Variants in EPHA6 observed in about 807,000 individuals in gnomAD.
The protein encoded by EPHA6 is EPH receptor A6.
In EPHA6, 50 loss-of-function variants were observed where a neutral mutation model predicts 112.0. That is an observed-to-expected ratio of 0.45 (90% CI 0.36 to 0.56). EPHA6 has a LOEUF of 0.56. EPHA6 is among the 20% of genes least tolerant of loss of function. The pLI is 0.00. For synonymous variants in EPHA6, 529 were observed against 490.7 expected (o/e 1.08, Z -1.03); for missense variants, 1,280 against 1,417.4 (o/e 0.90, Z 1.56).
intron 5 of EPHA6, among the ~76,000 whole-genome samples, chr3:97,383,716 A>G (rs1244448809): frequency 1.3e-5 from 2 of 152,126 alleles, no homozygotes; most frequent in Non-Finnish European, 2.9e-5. Context: ...AAGTTAAGGA[A>G]ATGTGCGCAG....
intron 2 of EPHA6, among the ~76,000 whole-genome samples, chr3:96,980,217 T>C (rs1013396843): frequency 6.6e-6 from 1 of 152,192 alleles, no homozygotes; most frequent in African/African-American, 2.4e-5. Flanking sequence ...CCATCTTGAA[T>C]TGATTTTTGT....
intron 7 of EPHA6, among the ~76,000 whole-genome samples, chr3:97,461,053 G>T (rs748623311): frequency 6.6e-6 from 1 of 152,094 alleles, no homozygotes; most frequent in Admixed American, 6.6e-5. Flanking sequence ...CAAGTAACAC[G>T]TGATCATTCG....
At chr3:97,167,724 C>G (rs2076576639) in intron 3 of EPHA6, among the ~76,000 whole-genome samples, 1 of 152,024 alleles carries the variant, frequency 6.6e-6, no homozygotes, top group Non-Finnish European at 1.5e-5. Context: ...GCATGAGGAA[C>G]AGCCTAATTT....
At chr3:97,125,931 G>A (rs1164329798) in intron 3 of EPHA6, among the ~76,000 whole-genome samples, 1 of 152,068 alleles carries the variant, frequency 6.6e-6, no homozygotes, top group Non-Finnish European at 1.5e-5. Flanking sequence ...TGTCTTTGTA[G>A]AAGACTGAGA....
chr3:97,654,178 T>C (rs978634103), intron 14 of EPHA6, among the ~76,000 whole-genome samples: 2 of 151,964 alleles, frequency 1.3e-5, no homozygotes, highest in African/African-American at 4.8e-5. Context: ...GATAAATATG[T>C]TACCTAGCTT....
At chr3:97,115,520 A>C (rs1424101456) in intron 3 of EPHA6, among the ~76,000 whole-genome samples, 1 of 151,818 alleles carries the variant, frequency 6.6e-6, no homozygotes, top group Non-Finnish European at 1.5e-5. Flanking sequence ...CTTTGGCAGA[A>C]CCAGATCTGT....
At chr3:97,063,696 A>G (rs2046095711) in intron 3 of EPHA6, among the ~76,000 whole-genome samples, 1 of 152,182 alleles carries the variant, frequency 6.6e-6, no homozygotes, top group African/African-American at 2.4e-5. Context: ...ATACTCTGGA[A>G]TTTAAAATAA....
intron 3 of EPHA6, among the ~76,000 whole-genome samples, chr3:97,165,608 A>T (rs2076523350): frequency 6.6e-6 from 1 of 152,100 alleles, no homozygotes; most frequent in African/African-American, 2.4e-5. Context: ...ACAAGTCTGG[A>T]CTAAAGTGGG....
chr3:96,947,816 A>G (rs1273664341), intron 2 of EPHA6, among the ~76,000 whole-genome samples: 1 of 152,188 alleles, frequency 6.6e-6, no homozygotes, highest in Non-Finnish European at 1.5e-5. Context: ...GAAAATGGCC[A>G]TACTGCCCAA....
chr3:97,680,810 C>G (rs1387206544), intron 14 of EPHA6, among the ~76,000 whole-genome samples: 1 of 152,118 alleles, frequency 6.6e-6, no homozygotes, highest in Non-Finnish European at 1.5e-5. Context: ...ATTTAGCACA[C>G]AAGGTGTTTA....
rs2035864229 is a variant in EPHA6, at chr3:97,750,243, C to T, written c.*1542C>T. Among the ~76,000 whole-genome samples, 1 of 151,112 alleles carries T rather than the reference C, an allele frequency of 6.6e-6. No homozygotes were observed. On this transcript the variant is annotated 3_prime_UTR_variant, in exon 18 of 18. Coordinates refer to ENST00000389672, the MANE Select transcript of EPHA6 (RefSeq NM_001080448.3). The stretch of plus-strand genomic sequence containing the variant: ...GTTGGATCTCAGTGATAATGGTGCC[C>T]TACCTACCCTAATTCTCAAATTCCT...
At chr3:97,164,718 G>A (rs947784835) in intron 3 of EPHA6, among the ~76,000 whole-genome samples, 1 of 152,012 alleles carries the variant, frequency 6.6e-6, no homozygotes, top group African/African-American at 2.4e-5. Context: ...TTGGGAGACA[G>A]TCTTTTTTTC....
intron 2 of EPHA6, among the ~76,000 whole-genome samples, chr3:96,944,405 G>T (rs1409444938): frequency 6.6e-6 from 1 of 150,608 alleles, no homozygotes; most frequent in Non-Finnish European, 1.5e-5. Context: ...ATCATATATG[G>T]TCCATATGAT....
chr3:97,517,404 T>A (rs1379220639), intron 10 of EPHA6, among the ~76,000 whole-genome samples: 1 of 152,100 alleles, frequency 6.6e-6, no homozygotes, highest in Non-Finnish European at 1.5e-5. Context: ...GATTGAATGC[T>A]ATCAGAAAGT....
At chr3:97,648,283 T>G (rs2094081844) in intron 14 of EPHA6, 1 of 1,023,782 alleles carries the variant, frequency 9.8e-7, no homozygotes, top group Non-Finnish European at 1.6e-6. Context: ...TTTGCATTCA[T>G]AGGACCTCTT....
chr3:97,312,952 A>G (rs754486079), intron 5 of EPHA6, among the ~76,000 whole-genome samples: 1 of 151,460 alleles, frequency 6.6e-6, no homozygotes, highest in Non-Finnish European at 1.5e-5. Flanking sequence ...AGCAATGTTT[A>G]CATATACATT....
intron 4 of EPHA6, among the ~76,000 whole-genome samples, chr3:97,235,732 G>A (rs997777445): frequency 2.6e-5 from 4 of 152,026 alleles, no homozygotes; most frequent in African/African-American, 9.7e-5. Context: ...AAAATTATAA[G>A]TCAATCTAAG....
At position 97,527,981 on chromosome 3, in the gene EPHA6, G is replaced by C. The variant is rs558107709; in HGVS notation, c.2201-4377G>C. Reference sequence around the variant, plus strand: ...CTATCACAGAAGCCAATAATATTGGGCCTTAATCTTAGGACTCGCACCATA... The same window carrying C: ...CTATCACAGAAGCCAATAATATTGGCCCTTAATCTTAGGACTCGCACCATA... On this transcript the variant is annotated intron_variant, in intron 10 of 17. Coordinates refer to ENST00000389672, the MANE Select transcript of EPHA6 (RefSeq NM_001080448.3). 5.6e-4 allele frequency among the ~76,000 whole-genome samples: 85 copies of C among 152,140 alleles called. No individual in the cohort carries two copies. In the Middle Eastern group the frequency reaches 0.01, roughly 18 times the overall value.
chr3:97,198,702 T>C (rs2077503254), intron 3 of EPHA6, among the ~76,000 whole-genome samples: 1 of 152,174 alleles, frequency 6.6e-6, no homozygotes, highest in East Asian at 1.9e-4. Flanking sequence ...TATCTTATTA[T>C]TTCTTTCTTT....
Sources: allele counts gnomAD v4.1 joint callset (sites outside exome capture counted in the v4.1 genomes callset), GRCh38; gene constraint gnomAD v4.1.1; transcripts MANE v1.5; gene names NCBI Gene and HGNC (gene_info 2026-07-23, HGNC 2026-07-21).